The following CALN1 variants were observed in gnomAD, a reference collection of about 807,000 sequenced individuals.
CALN1 encodes the protein calcium-binding protein 8.
A neutral mutation model predicts 30.6 loss-of-function variants in CALN1; 17 were observed. The observed-to-expected ratio is 0.56, with a 90% CI of 0.38 to 0.83. CALN1 has a LOEUF of 0.83. CALN1 is among the 40% of genes least tolerant of loss of function. CALN1 has a pLI of 0.00. For missense variants in CALN1, 291 were observed against 354.9 expected, an observed-to-expected ratio of 0.82 and a Z score of 1.45; for synonymous variants, 156 against 131.4, an observed-to-expected ratio of 1.19 and a Z score of -1.28.
At chr7:72,251,554 C>T (rs893860540) in intron 3 of CALN1, among the ~76,000 whole-genome samples, 1 of 152,080 alleles carries the variant, frequency 6.6e-6, no homozygotes, top group African/African-American at 2.4e-5. Flanking sequence ...TACACATCAC[C>T]ATGCCCGGCT....
At chr7:71,843,398 T>C (rs1244669169) in intron 5 of CALN1, among the ~76,000 whole-genome samples, 1 of 152,078 alleles carries the variant, frequency 6.6e-6, no homozygotes, top group Non-Finnish European at 1.5e-5. Flanking sequence ...GGGGATGAAT[T>C]GCTTGAGCTC....
chr7:72,310,492 T>C (rs141033343), intron 2 of CALN1, among the ~76,000 whole-genome samples: 1 of 151,756 alleles, frequency 6.6e-6, no homozygotes, highest in East Asian at 1.9e-4. Flanking sequence ...TCTGTGGTTA[T>C]AATATTGACA....
chr7:71,891,296 C>G (rs753057631), intron 5 of CALN1, among the ~76,000 whole-genome samples: 1 of 152,160 alleles, frequency 6.6e-6, no homozygotes, highest in Non-Finnish European at 1.5e-5. Flanking sequence ...TTCAAGTCAC[C>G]ATGAATATTT....
intron 4 of CALN1, among the ~76,000 whole-genome samples, chr7:72,071,395 G>C (rs1282848959): frequency 6.6e-6 from 1 of 152,118 alleles, no homozygotes; most frequent in South Asian, 2.1e-4. Flanking sequence ...AGAGGATTTA[G>C]AGGCAGCACT....
chr7:71,876,675 C>T (rs1792263374), intron 5 of CALN1, among the ~76,000 whole-genome samples: 1 of 152,074 alleles, frequency 6.6e-6, no homozygotes, highest in Admixed American at 6.5e-5. Context: ...CTCCCCTCCA[C>T]TCCAACTAAC....
chr7:71,993,316 A>C (rs1423306387), intron 5 of CALN1, among the ~76,000 whole-genome samples: 1 of 152,082 alleles, frequency 6.6e-6, no homozygotes, highest in Non-Finnish European at 1.5e-5. Flanking sequence ...CTCACTTATT[A>C]TATCTCTTAG....
chr7:72,385,937 A>T (rs1398760122), intron 2 of CALN1, among the ~76,000 whole-genome samples: 2 of 152,336 alleles, frequency 1.3e-5, no homozygotes, highest in East Asian at 3.9e-4. Flanking sequence ...TCTTTATAGC[A>T]GTGTAAAAAC....
chr7:72,109,525 C>T (rs1305390510), intron 3 of CALN1, among the ~76,000 whole-genome samples: 1 of 152,230 alleles, frequency 6.6e-6, no homozygotes, highest in Admixed American at 6.5e-5. Context: ...TTTAGTCCAA[C>T]CCAAATTCTG....
intron 2 of CALN1, among the ~76,000 whole-genome samples, chr7:72,292,057 T>A (rs1798519848): frequency 6.6e-6 from 1 of 151,974 alleles, no homozygotes; most frequent in Admixed American, 6.6e-5. Context: ...AAACATTTAG[T>A]CCATGAATAG....
intron 5 of CALN1, among the ~76,000 whole-genome samples, chr7:71,942,711 A>G (rs1417710654): frequency 6.6e-6 from 1 of 152,190 alleles, no homozygotes; most frequent in Non-Finnish European, 1.5e-5. Context: ...TCTTAAAAGC[A>G]TAATGTAGAA....
chr7:71,937,993 C>T (rs2129521746), intron 5 of CALN1, among the ~76,000 whole-genome samples: 1 of 152,288 alleles, frequency 6.6e-6, no homozygotes, highest in South Asian at 2.1e-4. Context: ...TCAGGGAGGT[C>T]CCTTGGGAGG....
chr7:72,485,990 G>A, the CALN1 span, among the ~76,000 whole-genome samples: 25 of 152,034 alleles, frequency 1.6e-4, no homozygotes, highest in South Asian at 3.5e-3. Context: ...TCACTCTGTC[G>A]CCATTGTTAG....
intron 4 of CALN1, among the ~76,000 whole-genome samples, chr7:72,024,808 C>T (rs1336279484): frequency 6.6e-6 from 1 of 152,190 alleles, no homozygotes; most frequent in Non-Finnish European, 1.5e-5. Context: ...ATACAAGCTC[C>T]TTTACACCTC....
At chr7:72,074,934 A>G (rs1563033983) in intron 4 of CALN1, among the ~76,000 whole-genome samples, 2 of 152,268 alleles carry the variant, frequency 1.3e-5, no homozygotes, top group Non-Finnish European at 2.9e-5. Flanking sequence ...ATAAATAAAC[A>G]GAAGTCAAAA....
chr7:72,296,154 C>G (rs1003115325), intron 2 of CALN1, among the ~76,000 whole-genome samples: 1 of 151,684 alleles, frequency 6.6e-6, no homozygotes, highest in Non-Finnish European at 1.5e-5. Context: ...TGTTTATATG[C>G]TGGATTACAT....
At position 71,956,505 on chromosome 7, in the gene CALN1, TA is replaced by T. The variant is rs201220301; in HGVS notation, c.501+67151del. 4.1e-3 allele frequency among the ~76,000 whole-genome samples: 612 copies of T among 149,162 alleles called. 4 individuals carry two copies. Among genetic ancestry groups the T allele is most frequent in the African/African-American group, 0.013 (534 of 40,680 alleles). ...TGTTCTGATAACTTTTTTTTTTTTTTAAACAGAGGGAGGGTGTCGTTATGTT... is the reference window on the plus strand; with the variant it reads ...TGTTCTGATAACTTTTTTTTTTTTTTAACAGAGGGAGGGTGTCGTTATGTT... On this transcript the variant is annotated intron_variant, in intron 5 of 6. Transcript: ENST00000395275.
chr7:72,341,995 T>C (rs1483881537), intron 2 of CALN1, among the ~76,000 whole-genome samples: 3 of 152,018 alleles, frequency 2.0e-5, no homozygotes, highest in East Asian at 1.9e-4. Flanking sequence ...CTCACACTTG[T>C]AATACCGATA....
intron 2 of CALN1, among the ~76,000 whole-genome samples, chr7:72,317,048 G>C (rs1489624913): frequency 7.0e-6 from 1 of 141,854 alleles, no homozygotes; most frequent in African/African-American, 2.8e-5. Context: ...AAGAGAGAGA[G>C]AGAAAGAGAG....
At chr7:71,985,748 C>T (rs2129527482) in intron 5 of CALN1, among the ~76,000 whole-genome samples, 1 of 151,858 alleles carries the variant, frequency 6.6e-6, no homozygotes, top group Admixed American at 6.6e-5. Context: ...CACTACTATG[C>T]CCTGCTAATT....
Sources: gnomAD v4.1 joint callset for allele counts (sites outside exome capture counted in the v4.1 genomes callset) on GRCh38, gnomAD v4.1.1 for gene constraint, MANE v1.5 for transcripts, NCBI Gene and HGNC (gene_info 2026-07-23, HGNC 2026-07-21) for gene names.